FBXL7: variants seen among roughly 807,000 people sequenced by gnomAD.
The protein encoded by FBXL7 is F-box and leucine rich repeat protein 7, also known as F-box/LRR-repeat protein 7.
Under a neutral mutation model 38.3 loss-of-function variants are expected in FBXL7, and 12 were observed. The ratio of observed to expected loss-of-function variants is 0.31; its 90% CI spans 0.20 to 0.51. The LOEUF (loss-of-function observed/expected upper bound fraction) is 0.51. Ranked by LOEUF, FBXL7 falls within the 20% of genes least tolerant of loss-of-function variation. The probability of loss-of-function intolerance (pLI) is 0.98; values close to 1 mark genes in which losing one functional copy is unlikely to be tolerated. For synonymous variants in FBXL7, 297 were observed against 300.9 expected, an observed-to-expected ratio of 0.99 and a Z score of 0.13; for missense variants, 567 against 676.4, an observed-to-expected ratio of 0.84 and a Z score of 1.79.
At chr5:15,752,041 CTTGAGT>C (rs1191288346) in intron 2 of FBXL7, among the ~76,000 whole-genome samples, 1 of 152,090 alleles carries the variant, frequency 6.6e-6, no homozygotes, top group African/African-American at 2.4e-5. Flanking sequence ...GTTTGAAGAC[CTTGAGT>C]TTATTTCATG....
At chr5:15,807,076 C>T (rs371498326) in intron 2 of FBXL7, among the ~76,000 whole-genome samples, 1 of 152,030 alleles carries the variant, frequency 6.6e-6, no homozygotes, top group Admixed American at 6.6e-5. Flanking sequence ...CTCAGCCTCC[C>T]AAGTAGCTGA....
At chr5:15,731,845 C>A (rs1239465912) in intron 2 of FBXL7, among the ~76,000 whole-genome samples, 2 of 152,118 alleles carry the variant, frequency 1.3e-5, no homozygotes, top group Non-Finnish European at 2.9e-5. Flanking sequence ...TCCCTCAAAG[C>A]AACTGGCAGT....
At chr5:15,851,807 A>G (rs1054753431) in intron 2 of FBXL7, among the ~76,000 whole-genome samples, 1 of 143,900 alleles carries the variant, frequency 6.9e-6, no homozygotes, top group African/African-American at 2.6e-5. Flanking sequence ...AGATTCTGCA[A>G]ACTAATACAC....
chr5:15,895,652 T>G (rs1332392705), intron 2 of FBXL7, among the ~76,000 whole-genome samples: 1 of 140,982 alleles, frequency 7.1e-6, no homozygotes, highest in Non-Finnish European at 1.5e-5. Context: ...TTTTTTTTTT[T>G]TTTTTTTGAG....
At chr5:15,684,165 A>G (rs1389935140) in intron 2 of FBXL7, among the ~76,000 whole-genome samples, 1 of 152,192 alleles carries the variant, frequency 6.6e-6, no homozygotes, top group Non-Finnish European at 1.5e-5. Flanking sequence ...AATTGCTGAT[A>G]TATGGTCCTC....
At chr5:15,598,761 GC>G (rs913676137) in intron 1 of FBXL7, among the ~76,000 whole-genome samples, 16 of 152,184 alleles carry the variant, frequency 1.1e-4, no homozygotes, top group African/African-American at 3.6e-4. Flanking sequence ...TCATTTATCT[GC>G]CCCTCACTCC....
rs990164217 is a variant in FBXL7 at position 15,634,511 on chromosome 5, G to C, written c.127+18439G>C. 1.7e-4 allele frequency among the ~76,000 whole-genome samples: 25 copies of C among 149,448 alleles called. 1 individual carries two copies. Among genetic ancestry groups the C allele is most frequent in the Admixed American group, 6.6e-5 (1 of 15,128 alleles). On this transcript the variant is annotated intron_variant, in intron 2 of 3. Transcript: ENST00000504595. Reference sequence around the variant, plus strand: ...TAATTTTTGTATTTTTAGTTGGGGGGGGGGTTTACCCTAGGGCCAGGCTGG... The same window carrying C: ...TAATTTTTGTATTTTTAGTTGGGGGCGGGGTTTACCCTAGGGCCAGGCTGG...
chr5:15,611,607 C>T (rs540350993), intron 1 of FBXL7, among the ~76,000 whole-genome samples: 1 of 151,360 alleles, frequency 6.6e-6, no homozygotes, highest in East Asian at 1.9e-4. Flanking sequence ...AGGAACCTAA[C>T]TCTGTTTCCC....
intron 2 of FBXL7, among the ~76,000 whole-genome samples, chr5:15,845,715 TAATCCCAGC>T (rs1435857318): frequency 6.6e-6 from 1 of 152,224 alleles, no homozygotes; most frequent in African/African-American, 2.4e-5. Flanking sequence ...CTCATGCCTG[TAATCCCAGC>T]ACTTTGGGAG....
chr5:15,610,634 T>C (rs1278103036), intron 1 of FBXL7, among the ~76,000 whole-genome samples: 1 of 152,168 alleles, frequency 6.6e-6, no homozygotes, highest in East Asian at 1.9e-4. Flanking sequence ...GAGATGGTTA[T>C]TGCTTCCAGA....
chr5:15,906,422 G>A (rs1473364765), intron 2 of FBXL7, among the ~76,000 whole-genome samples: 1 of 134,298 alleles, frequency 7.4e-6, no homozygotes, highest in East Asian at 2.2e-4. Flanking sequence ...ATTTTACATA[G>A]TTGACCTAGA....
At chr5:15,763,586 A>G (rs1327618774) in intron 2 of FBXL7, among the ~76,000 whole-genome samples, 1 of 152,048 alleles carries the variant, frequency 6.6e-6, no homozygotes, top group Non-Finnish European at 1.5e-5. Context: ...TAGCAATCTC[A>G]TAATATTACA....
At chr5:15,638,293 A>C (rs190695538) in intron 2 of FBXL7, among the ~76,000 whole-genome samples, 1 of 152,194 alleles carries the variant, frequency 6.6e-6, no homozygotes, top group Non-Finnish European at 1.5e-5. Flanking sequence ...GAATTGGAAC[A>C]TAGGGTTGTT....
At chr5:15,506,906 T>G (rs1266668069) in intron 1 of FBXL7, among the ~76,000 whole-genome samples, 1 of 151,058 alleles carries the variant, frequency 6.6e-6, no homozygotes, top group Non-Finnish European at 1.5e-5. Context: ...GGGCATAAAT[T>G]TATCATTTTG....
intron 2 of FBXL7, among the ~76,000 whole-genome samples, chr5:15,905,375 G>T (rs1741331237): frequency 6.6e-6 from 1 of 152,118 alleles, no homozygotes; most frequent in African/African-American, 2.4e-5. Flanking sequence ...CTATTGCTTG[G>T]AGGCCAGCCT....
chr5:15,869,138 C>G (rs564854681), intron 2 of FBXL7, among the ~76,000 whole-genome samples: 1 of 152,246 alleles, frequency 6.6e-6, no homozygotes, highest in East Asian at 1.9e-4. Flanking sequence ...AATGGACAAG[C>G]CTAGAAGGCA....
intron 2 of FBXL7, among the ~76,000 whole-genome samples, chr5:15,639,042 T>G (rs1387721055): frequency 2.0e-5 from 3 of 151,914 alleles, no homozygotes; most frequent in African/African-American, 7.3e-5. Flanking sequence ...CAGTAAGGAG[T>G]GTTATTTTGT....
intron 1 of FBXL7, among the ~76,000 whole-genome samples, chr5:15,612,043 G>C (rs1740256514): frequency 1.3e-5 from 2 of 151,756 alleles, no homozygotes; most frequent in Non-Finnish European, 2.9e-5. Flanking sequence ...TAAATTCTCA[G>C]GCATTTAAAA....
chr5:15,816,698 ATCTG>A (rs1229111832), intron 2 of FBXL7, among the ~76,000 whole-genome samples: 2 of 152,212 alleles, frequency 1.3e-5, no homozygotes, highest in Non-Finnish European at 2.9e-5. Context: ...GTTCCTTTCA[ATCTG>A]TCTACTACTC....
Sources: allele counts gnomAD v4.1 joint callset (sites outside exome capture counted in the v4.1 genomes callset), GRCh38; gene constraint gnomAD v4.1.1; transcripts MANE v1.5; gene names NCBI Gene and HGNC (gene_info 2026-07-23, HGNC 2026-07-21).